VWCE: variants seen among roughly 807,000 people sequenced by gnomAD.
VWCE encodes von Willebrand factor C and EGF domains.
Under a neutral mutation model 102.9 loss-of-function variants are expected in VWCE, and 68 were observed. The observed-to-expected ratio is 0.66, with a 90% CI of 0.54 to 0.81. The LOEUF is 0.81. VWCE is among the 30% of genes least tolerant of loss of function. VWCE has a pLI of 0.00. For missense variants in VWCE, 1,137 were observed against 1,263.6 expected (o/e 0.90, Z 1.52); for synonymous variants, 497 against 515.4 (o/e 0.96, Z 0.48).
At chr11:61,273,968 T>G (rs1033351646) in intron 12 of VWCE, among the ~76,000 whole-genome samples, 2 of 152,118 alleles carry the variant, frequency 1.3e-5, no homozygotes, top group Non-Finnish European at 2.9e-5. Flanking sequence ...AGCACTCCCT[T>G]GGTAAGTCGC....
intron 4 of VWCE, among the ~76,000 whole-genome samples, chr11:61,287,107 A>G (rs975265845): frequency 6.6e-5 from 10 of 152,180 alleles, no homozygotes; most frequent in African/African-American, 2.4e-4. Context: ...AAGAAAGAAA[A>G]AAAAAGAAAA....
chr11:61,268,874 G>A (rs1214121204), intron 15 of VWCE, 48 bp downstream of exon 15: 1 of 1,594,490 alleles, frequency 6.3e-7, no homozygotes, highest in African/African-American at 1.3e-5. Context: ...GGAGCCCGAT[G>A]CCTGAGATGC....
At chr11:61,259,410 T>C in intron 19 of VWCE, 98 bp from the exon 20 acceptor site, 1 of 1,442,550 alleles carries the variant, frequency 6.9e-7, no homozygotes, top group Non-Finnish European at 9.2e-7. Context: ...AGCTCTGTCC[T>C]CAGAGGGGCC....
At chr11:61,263,734 T>G (rs1392046944) in intron 19 of VWCE, among the ~76,000 whole-genome samples, 1 of 152,170 alleles carries the variant, frequency 6.6e-6, no homozygotes, top group Non-Finnish European at 1.5e-5. Context: ...TTCACCTGCC[T>G]GGGCCTGTTT....
chr11:61,286,627 C>T (rs1323627108), intron 4 of VWCE, among the ~76,000 whole-genome samples, 197 bp from the exon 5 acceptor site: 6 of 151,952 alleles, frequency 3.9e-5, no homozygotes, highest in Non-Finnish European at 8.8e-5. Flanking sequence ...CATGGAGAAA[C>T]CCCGTCTCTA....
At chr11:61,267,641 G>C in intron 15 of VWCE, 97 bp from the exon 16 acceptor site, 3 of 1,168,680 alleles carry the variant, frequency 2.6e-6, no homozygotes, top group Non-Finnish European at 2.5e-6. Flanking sequence ...GATGGCAAAG[G>C]GGAGGCCATG....
intron 11 of VWCE, among the ~76,000 whole-genome samples, chr11:61,275,973 A>C (rs2134786625): frequency 6.6e-6 from 1 of 152,298 alleles, no homozygotes; most frequent in Middle Eastern, 3.4e-3. Context: ...CTGTGCACAT[A>C]AGTGCACAAT....
In VWCE at chr11:61,281,773, G is replaced by T. The variant is rs373378507; in HGVS notation, c.787+13C>A. On this transcript the variant is annotated intron_variant, in intron 7 of 19. Transcript: ENST00000335613. ...CGTGGCCAGCCGCCGGGATGGAGGG[G>T]CCTGGCGCTCACCTTCACAGGACAC... is the stretch of plus-strand genomic sequence containing the variant. 4 of 1,605,820 alleles carry T rather than the reference G, an allele frequency of 2.5e-6. No homozygotes were observed. Among genetic ancestry groups the T allele is most frequent in the East Asian group, 2.2e-5 (1 of 44,516 alleles).
At chr11:61,272,264 TCATA>T (rs1854737446) in intron 13 of VWCE, among the ~76,000 whole-genome samples, 2 of 147,002 alleles carry the variant, frequency 1.4e-5, no homozygotes, top group African/African-American at 2.5e-5. Flanking sequence ...AGACACACAC[TCATA>T]CAAATACACT....
intron 6 of VWCE, 50 bp downstream of exon 6, chr11:61,282,739 T>C: frequency 1.3e-6 from 2 of 1,485,704 alleles, no homozygotes; most frequent in Non-Finnish European, 1.9e-6. Context: ...CTGTCCATCC[T>C]CCTGATTGGC....
At chr11:61,291,411 G>A in intron 2 of VWCE, 58 bp from the exon 3 acceptor site, 1 of 1,579,972 alleles carries the variant, frequency 6.3e-7, no homozygotes, top group Non-Finnish European at 8.6e-7. Flanking sequence ...CTGCCCCTCG[G>A]ACCAGGGACT....
chr11:61,279,494 G>A (rs755249816), intron 9 of VWCE, among the ~76,000 whole-genome samples: 5 of 149,156 alleles, frequency 3.4e-5, no homozygotes, highest in Admixed American at 6.7e-5. Context: ...CCCTAGAGGC[G>A]GAGGCTGCAG....
intron 16 of VWCE, among the ~76,000 whole-genome samples, chr11:61,265,631 C>A (rs1406537806): frequency 6.6e-6 from 1 of 152,178 alleles, no homozygotes; most frequent in Non-Finnish European, 1.5e-5. Context: ...TTCTGCAGAC[C>A]GTGTCCCTTG....
Position 61,258,812 on chromosome 11 carries a change from T to G in VWCE, c.2731A>C (p.Thr911Pro). The G allele has an allele frequency of 2.0e-6, 3 of 1,489,208 alleles. No homozygotes were observed. The highest frequency in any genetic ancestry group is 2.3e-5 in the East Asian group (1 of 42,566). The allele number at this position is 1,489,208 out of a possible 1,614,324, so 92.2% of individuals were successfully genotyped here. A position where few individuals can be genotyped will look rare whatever the true frequency, so the allele number is the denominator to read the frequency against. Reference sequence around the variant, plus strand: ...CGAGGCCCGAGGAGGGTGATGGGGGTCTTCGAGGGGCTGGGGTCCATCATG... The same window carrying G: ...CGAGGCCCGAGGAGGGTGATGGGGGGCTTCGAGGGGCTGGGGTCCATCATG... ...LSMMDPSPSKTPITLLGPRVL... is the reference protein window; with the variant it reads ...LSMMDPSPSKPPITLLGPRVL... Residue 911 changes from threonine to proline, a missense_variant, in exon 20 of 20, where the codon ACC becomes CCC. Coordinates refer to ENST00000335613, the MANE Select transcript of VWCE (RefSeq NM_152718.2).
At chr11:61,267,344 A>G in intron 16 of VWCE, 118 bp downstream of exon 16, 1 of 1,044,070 alleles carries the variant, frequency 9.6e-7, no homozygotes, top group Non-Finnish European at 1.5e-6. Context: ...GACTTCCACC[A>G]TGAACCAGAA....
At position 61,276,594 on chromosome 11, in the gene VWCE, T is replaced by C; in HGVS notation, c.1494A>G (p.Pro498=). 1 of 1,566,294 alleles carries C rather than the reference T, an allele frequency of 6.4e-7. No individual in the cohort carries two copies. The highest frequency in any genetic ancestry group is 8.6e-7 in the Non-Finnish European group (1 of 1,159,936). ...PPQTDCCTCV[P]VRCYFHGRWY... Reference sequence around the variant, plus strand: ...AAATGCTCCAAGAGTGTCACTTACCTGGAACACAAGTACAGCAATCCGTCT... The same window carrying C: ...AAATGCTCCAAGAGTGTCACTTACCCGGAACACAAGTACAGCAATCCGTCT... Residue 498 remains proline (P), a splice_region_variant and synonymous_variant, in exon 11 of 20, where the codon CCA becomes CCG. Coordinates refer to ENST00000335613, the MANE Select transcript of VWCE (RefSeq NM_152718.2).
rs1253300025 is a variant in VWCE at position 61,286,405 on chromosome 11, G to A, written c.450C>T (p.Ser150=). Residue 150 remains serine (S), a synonymous_variant, in exon 5 of 20, where the codon TCC becomes TCT. Transcript: ENST00000335613. ...CTDIDECVTS[S]CEGHCVNTEG... is the part of the protein sequence containing the mutation. ...CTGTGTTCACACAGTGGCCCTCGCA[G>A]GAGGAGGTTACACATTCGTCAATGT... 1 of 1,612,754 alleles carries A rather than the reference G, an allele frequency of 6.2e-7. No homozygotes were observed. The highest frequency in any genetic ancestry group is 1.1e-5 in the South Asian group (1 of 91,082).
In VWCE at chr11:61,294,460, C is replaced by G. The variant is rs991304457; in HGVS notation, c.110+468G>C. ...CGCGCGCACACGCACGGACAGAAAA[C>G]GAAAAGTGACCCAGAGACCCCGGCT... On this transcript the variant is annotated intron_variant, in intron 1 of 19. Transcript: ENST00000335613. This position sits in a 1 kb window ranked among gnomAD's most constrained non-coding sequence, Gnocchi z 6.3. Among the ~76,000 whole-genome samples the G allele has an allele frequency of 6.6e-6, 1 of 152,178 alleles. No individual in the cohort carries two copies. Among genetic ancestry groups the G allele is most frequent in the Admixed American group, 6.5e-5 (1 of 15,292 alleles).
intron 4 of VWCE, among the ~76,000 whole-genome samples, chr11:61,287,579 G>A (rs748835390): frequency 3.9e-5 from 6 of 152,198 alleles, no homozygotes; most frequent in African/African-American, 9.7e-5. Context: ...AGATGTTCAC[G>A]GTCTGATAAC....
Sources: allele counts gnomAD v4.1 joint callset (sites outside exome capture counted in the v4.1 genomes callset), GRCh38; gene constraint gnomAD v4.1.1; non-coding constraint Gnocchi (gnomAD v3.1); transcripts MANE v1.5; gene names NCBI Gene and HGNC (gene_info 2026-07-23, HGNC 2026-07-21).